The following KLF8 variants were observed in gnomAD, a reference collection of about 807,000 sequenced individuals.
The protein encoded by KLF8 is Krueppel-like factor 8.
KLF8 carries 10 observed loss-of-function variants against 18.2 expected under a neutral mutation model. The observed-to-expected ratio is 0.55, with a 90% CI of 0.34 to 0.93. The LOEUF is 0.93. Among genes scored for constraint, KLF8 ranks in the 40% least tolerant of loss-of-function variants. KLF8 has a pLI of 0.02. For missense variants in KLF8, 264 were observed against 277.9 expected, an observed-to-expected ratio of 0.95 and a Z score of 0.36; for synonymous variants, 109 against 97.3, an observed-to-expected ratio of 1.12 and a Z score of -0.71.
the KLF8 span, among the ~76,000 whole-genome samples, chrX:56,159,282 G>A: frequency 1.8e-5 from 2 of 111,823 alleles, no homozygotes; most frequent in African/African-American, 6.5e-5. Flanking sequence ...TGCTGAATTA[G>A]GTTTGCCATT....
At chrX:56,039,095 G>T in the KLF8 span, among the ~76,000 whole-genome samples, 1 of 111,754 alleles carries the variant, frequency 8.9e-6, no homozygotes, top group Non-Finnish European at 1.9e-5. Flanking sequence ...TATCCTTATA[G>T]ATTCTGGATA....
chrX:56,154,380 C>T, the KLF8 span, among the ~76,000 whole-genome samples: 1 of 111,698 alleles, frequency 9.0e-6, no homozygotes, highest in Admixed American at 9.5e-5. Flanking sequence ...ACAAATGGTG[C>T]TGGGAAAACT....
At chrX:56,158,690 C>G in the KLF8 span, among the ~76,000 whole-genome samples, 19 of 111,382 alleles carry the variant, frequency 1.7e-4, no homozygotes, top group African/African-American at 3.3e-5. Context: ...GGCTGTTTGT[C>G]TGTTATTGGT....
chrX:56,019,337 C>T, the KLF8 span, among the ~76,000 whole-genome samples: 25 of 112,465 alleles, frequency 2.2e-4, no homozygotes, highest in Non-Finnish European at 3.0e-4. Flanking sequence ...TGGATCTTTA[C>T]TAAACTATGG....
the KLF8 span, among the ~76,000 whole-genome samples, chrX:55,983,549 C>A: frequency 3.6e-5 from 4 of 112,137 alleles, no homozygotes; most frequent in Admixed American, 1.9e-4. Context: ...GTCATACTTA[C>A]AATTACTTTA....
At chrX:56,036,754 G>A in the KLF8 span, among the ~76,000 whole-genome samples, 1 of 111,451 alleles carries the variant, frequency 9.0e-6, no homozygotes, top group Non-Finnish European at 1.9e-5. Context: ...CATTTAATTT[G>A]TAGATTCCTT....
upstream of KLF8, among the ~76,000 whole-genome samples, chrX:56,231,710 T>A (rs767894646): frequency 1.1e-4 from 12 of 111,313 alleles, no homozygotes; most frequent in Non-Finnish European, 2.3e-4. Flanking sequence ...ATGGCTCCTA[T>A]CCTGTGGATT....
chrX:55,995,932 C>T, the KLF8 span, among the ~76,000 whole-genome samples: 2,704 of 111,596 alleles, frequency 0.024, 24 homozygotes, highest in Middle Eastern at 0.11. Context: ...TAGTAAGTTT[C>T]GGAAATTTTC....
At chrX:56,157,639 A>C in the KLF8 span, among the ~76,000 whole-genome samples, 1 of 111,915 alleles carries the variant, frequency 8.9e-6, no homozygotes, top group Admixed American at 9.5e-5. Flanking sequence ...TCTGATGGCC[A>C]GTGATGATGA....
rs1045756452 is a variant in KLF8 at position 56,289,328 on chromosome X, G to C, written c.*4834G>C. Among the ~76,000 whole-genome samples, 3 of 109,762 alleles carry C rather than the reference G, an allele frequency of 2.7e-5. No individual in the cohort carries two copies. Among genetic ancestry groups the C allele is most frequent in the African/African-American group, 1.0e-4 (3 of 30,112 alleles). On this transcript the variant is annotated 3_prime_UTR_variant, in exon 6 of 6. Transcript: ENST00000468660. Reference sequence around the variant, plus strand: ...TCCAGGCTCATCTTGTATATTTTGTGGCCTACTCCTATAATCAGCCATTTC... The same window carrying C: ...TCCAGGCTCATCTTGTATATTTTGTCGCCTACTCCTATAATCAGCCATTTC...
At chrX:56,144,345 T>C in the KLF8 span, among the ~76,000 whole-genome samples, 1 of 109,902 alleles carries the variant, frequency 9.1e-6, no homozygotes, top group African/African-American at 3.3e-5. Context: ...TTAAAAACTT[T>C]TGTGCATCAG....
the KLF8 span, among the ~76,000 whole-genome samples, chrX:56,052,976 G>A: frequency 1.1e-4 from 12 of 111,997 alleles, no homozygotes; most frequent in South Asian, 3.8e-4. Flanking sequence ...GTGGTGGGCC[G>A]TTTTTTAAGC....
Position 56,287,823 on chromosome X carries a change from A to G in KLF8, c.*3329A>G, listed in dbSNP as rs995053712. 1 of 112,506 alleles carries G rather than the reference A, an allele frequency of 8.9e-6. No individual in the cohort carries two copies. Among genetic ancestry groups the G allele is most frequent in the Non-Finnish European group, 1.9e-5 (1 of 53,387 alleles). The allele number at this position is 112,506 out of a possible 1,213,427, so 9.3% of individuals were successfully genotyped here. On this transcript the variant is annotated 3_prime_UTR_variant, in exon 6 of 6. Coordinates refer to ENST00000468660, the MANE Select transcript of KLF8 (RefSeq NM_007250.5). ...ACACCCAGTTTCTCCTGTTATTAGC[A>G]TCTCACATTAATATGTGGTATATTT...
chrX:56,044,028 A>AT, the KLF8 span, among the ~76,000 whole-genome samples: 84 of 110,501 alleles, frequency 7.6e-4, 2 homozygotes, highest in Admixed American at 7.8e-3. Context: ...TCTGTTTGTA[A>AT]TTTTTTTTGA....
At chrX:55,940,278 A>G in the KLF8 span, among the ~76,000 whole-genome samples, 1 of 111,980 alleles carries the variant, frequency 8.9e-6, no homozygotes, top group African/African-American at 3.2e-5. Context: ...GACAAAAACC[A>G]CATGATTATC....
chrX:55,945,129 A>G, the KLF8 span, among the ~76,000 whole-genome samples: 1 of 110,897 alleles, frequency 9.0e-6, no homozygotes, highest in African/African-American at 3.3e-5. Flanking sequence ...GTTTCCATGT[A>G]GTTGAGTGGT....
intron 2 of KLF8, among the ~76,000 whole-genome samples, chrX:56,263,287 T>C (rs1331279004): frequency 9.0e-6 from 1 of 111,594 alleles, no homozygotes; most frequent in African/African-American, 3.3e-5. Flanking sequence ...ATCACAGAAA[T>C]CATGTCCTGG....
At position 56,288,287 on chromosome X, in the gene KLF8, C is replaced by T. The variant is rs1200503004; in HGVS notation, c.*3793C>T. On this transcript the variant is annotated 3_prime_UTR_variant, in exon 6 of 6. Coordinates refer to ENST00000468660, the MANE Select transcript of KLF8 (RefSeq NM_007250.5). Reference sequence around the variant, plus strand: ...GCATCTTGTTCAGGATTCCACATTACATCTAATAGTCATATCTCCTTAGGA... The same window carrying T: ...GCATCTTGTTCAGGATTCCACATTATATCTAATAGTCATATCTCCTTAGGA... 6.3e-5 allele frequency among the ~76,000 whole-genome samples: 7 copies of T among 110,783 alleles called. No homozygotes were observed. Among genetic ancestry groups the T allele is most frequent in the Non-Finnish European group, 9.4e-5 (5 of 52,911 alleles).
chrX:55,993,184 T>C, the KLF8 span, among the ~76,000 whole-genome samples: 2 of 111,523 alleles, frequency 1.8e-5, no homozygotes, highest in Non-Finnish European at 3.8e-5. Context: ...TCTGGTTTTT[T>C]AGAAGAATGC....
Sources: allele counts gnomAD v4.1 joint callset (sites outside exome capture counted in the v4.1 genomes callset), GRCh38; gene constraint gnomAD v4.1.1; transcripts MANE v1.5; gene names NCBI Gene and HGNC (gene_info 2026-07-23, HGNC 2026-07-21).